UNC5D: variants seen among roughly 807,000 people sequenced by gnomAD.
UNC5D encodes unc-5 netrin receptor D.
In UNC5D, 39 loss-of-function variants were observed where a neutral mutation model predicts 105.4. That is an observed-to-expected ratio of 0.37 (90% CI 0.29 to 0.48). The LOEUF (loss-of-function observed/expected upper bound fraction) is 0.48. Among genes scored for constraint, UNC5D ranks in the 20% least tolerant of loss-of-function variants. The probability of loss-of-function intolerance (pLI) is 0.98; values close to 1 mark genes in which losing one functional copy is unlikely to be tolerated. For missense variants in UNC5D, 991 were observed against 1,202.4 expected (o/e 0.82, Z 2.60); for synonymous variants, 452 against 450.4 (o/e 1.00, Z -0.04).
intron 1 of UNC5D, among the ~76,000 whole-genome samples, chr8:35,257,563 T>C (rs745650483): frequency 7.9e-5 from 12 of 152,232 alleles, no homozygotes; most frequent in African/African-American, 2.9e-4. Context: ...GTGTTATGTA[T>C]GACATGACCT....
intron 1 of UNC5D, among the ~76,000 whole-genome samples, chr8:35,545,586 G>T (rs949132994): frequency 2.6e-5 from 4 of 151,994 alleles, no homozygotes; most frequent in African/African-American, 7.2e-5. Flanking sequence ...AACTTGGAGT[G>T]TGGGAAGGCA....
intron 3 of UNC5D, among the ~76,000 whole-genome samples, chr8:35,570,077 T>C (rs1201375056): frequency 6.6e-6 from 1 of 152,222 alleles, no homozygotes; most frequent in Non-Finnish European, 1.5e-5. Context: ...AACCTTGTTT[T>C]TGCTTACAAA....
At chr8:35,603,510 G>A (rs1175081174) in intron 4 of UNC5D, among the ~76,000 whole-genome samples, 1 of 152,144 alleles carries the variant, frequency 6.6e-6, no homozygotes, top group Non-Finnish European at 1.5e-5. Context: ...TGAAAAGAAT[G>A]TATATTCTGT....
chr8:35,390,498 A>C (rs1281904802), intron 1 of UNC5D, among the ~76,000 whole-genome samples: 1 of 152,178 alleles, frequency 6.6e-6, no homozygotes, highest in African/African-American at 2.4e-5. Context: ...AGAAAAAAAA[A>C]ATATTATGGA....
intron 4 of UNC5D, among the ~76,000 whole-genome samples, chr8:35,602,465 C>G (rs1397444786): frequency 6.6e-6 from 1 of 152,144 alleles, no homozygotes; most frequent in Non-Finnish European, 1.5e-5. Context: ...TAATTATTGC[C>G]TCAATTTCAG....
intron 2 of UNC5D, among the ~76,000 whole-genome samples, chr8:35,555,899 A>ATG (rs1816514612): frequency 6.7e-6 from 1 of 149,282 alleles, no homozygotes; most frequent in African/African-American, 2.5e-5. Context: ...ACACACACAC[A>ATG]CACACACACA....
At chr8:35,346,748 A>T (rs1490126823) in intron 1 of UNC5D, among the ~76,000 whole-genome samples, 1 of 152,002 alleles carries the variant, frequency 6.6e-6, no homozygotes. Flanking sequence ...TGTAGATAGT[A>T]GTGTGTCACT....
intron 7 of UNC5D, among the ~76,000 whole-genome samples, chr8:35,688,170 A>T (rs1003050800): frequency 3.3e-5 from 5 of 150,632 alleles, no homozygotes; most frequent in Non-Finnish European, 4.4e-5. Context: ...ACAAAAAAAA[A>T]CACACACAAG....
chr8:35,384,371 A>T (rs2128934936), intron 1 of UNC5D, among the ~76,000 whole-genome samples: 1 of 152,314 alleles, frequency 6.6e-6, no homozygotes, highest in Admixed American at 6.5e-5. Flanking sequence ...CGTACTATAA[A>T]TATGGGTGCA....
intron 4 of UNC5D, among the ~76,000 whole-genome samples, chr8:35,604,074 G>T (rs1443694157): frequency 6.6e-6 from 1 of 152,180 alleles, no homozygotes; most frequent in African/African-American, 2.4e-5. Context: ...GTGTGAATTT[G>T]ATCCTGTCAT....
intron 1 of UNC5D, among the ~76,000 whole-genome samples, chr8:35,493,034 G>A (rs1237209090): frequency 6.6e-6 from 1 of 151,992 alleles, no homozygotes; most frequent in Non-Finnish European, 1.5e-5. Context: ...TTTGGAGGAA[G>A]TTTTCCTCAG....
chr8:35,455,997 G>T (rs575502773), intron 1 of UNC5D, among the ~76,000 whole-genome samples: 2 of 152,246 alleles, frequency 1.3e-5, no homozygotes, highest in East Asian at 3.9e-4. Flanking sequence ...CAGGGTGGCA[G>T]TTTTGAAACA....
chr8:35,687,218 C>T (rs867902426), intron 7 of UNC5D, among the ~76,000 whole-genome samples: 4 of 152,030 alleles, frequency 2.6e-5, no homozygotes, highest in South Asian at 2.1e-4. Flanking sequence ...CCAAGGCAGG[C>T]GGATCGCGAG....
intron 7 of UNC5D, among the ~76,000 whole-genome samples, chr8:35,687,300 G>A (rs1393787662): frequency 6.6e-6 from 1 of 152,088 alleles, no homozygotes; most frequent in African/African-American, 2.4e-5. Context: ...AAATTAGCCA[G>A]GCGTGGTGGT....
At chr8:35,352,570 T>G (rs982831512) in intron 1 of UNC5D, among the ~76,000 whole-genome samples, 1 of 152,100 alleles carries the variant, frequency 6.6e-6, no homozygotes, top group Non-Finnish European at 1.5e-5. Flanking sequence ...GAAGACATCT[T>G]TGTTCTGTAA....
At chr8:35,292,309 A>G (rs1563286293) in intron 1 of UNC5D, among the ~76,000 whole-genome samples, 1 of 152,190 alleles carries the variant, frequency 6.6e-6, no homozygotes, top group Non-Finnish European at 1.5e-5. Context: ...ACCTTTATCT[A>G]TTATGTGAGG....
intron 4 of UNC5D, among the ~76,000 whole-genome samples, chr8:35,663,072 T>A (rs532536403): frequency 6.6e-6 from 1 of 152,248 alleles, no homozygotes. Context: ...GTGGAAAAAT[T>A]GTCTTCCACA....
intron 4 of UNC5D, among the ~76,000 whole-genome samples, chr8:35,683,310 T>C (rs1825796049): frequency 6.6e-6 from 1 of 152,164 alleles, no homozygotes; most frequent in Non-Finnish European, 1.5e-5. Context: ...TCAAAGTCAA[T>C]GTAGGATATT....
At position 35,526,587 on chromosome 8, in the gene UNC5D, GT is replaced by G. The variant is rs1361986544; in HGVS notation, c.104-22702del. On this transcript the variant is annotated intron_variant, in intron 1 of 16. Coordinates refer to ENST00000404895, the MANE Select transcript of UNC5D (RefSeq NM_080872.4). ...TTCTTTTTTTTCTTTTTGTTTTTTTGTTTCTGCAATGCTAACATTTTAATCT... is the reference window on the plus strand; with the variant it reads ...TTCTTTTTTTTCTTTTTGTTTTTTTGTTCTGCAATGCTAACATTTTAATCT... 4.6e-5 allele frequency among the ~76,000 whole-genome samples: 7 copies of G among 151,478 alleles called. No individual in the cohort carries two copies. In the East Asian group the frequency reaches 1.3e-3, roughly 29 times the overall value.
Sources: gnomAD v4.1 joint callset for allele counts (sites outside exome capture counted in the v4.1 genomes callset) on GRCh38, gnomAD v4.1.1 for gene constraint, MANE v1.5 for transcripts, NCBI Gene and HGNC (gene_info 2026-07-23, HGNC 2026-07-21) for gene names.